Variants in KATNIP observed in about 807,000 individuals in gnomAD.
KATNIP encodes the protein katanin-interacting protein.
A neutral mutation model predicts 174.0 loss-of-function variants in KATNIP; 126 were observed. The observed-to-expected ratio is 0.72, with a 90% CI of 0.63 to 0.84. The LOEUF (loss-of-function observed/expected upper bound fraction) is 0.84, where lower values mean the gene tolerates loss of function less well. Ranked by LOEUF, KATNIP falls within the 40% of genes least tolerant of loss-of-function variation. The pLI is 0.00. For missense variants in KATNIP, 1,958 were observed against 2,109.7 expected (o/e 0.93, Z 1.41); for synonymous variants, 810 against 835.7 (o/e 0.97, Z 0.53).
intron 13 of KATNIP, among the ~76,000 whole-genome samples, chr16:27,713,977 G>A (rs925696419): frequency 6.7e-6 from 1 of 149,938 alleles, no homozygotes; most frequent in Non-Finnish European, 1.5e-5. Context: ...ACAGGCCTCC[G>A]CCCCAACTCT....
In KATNIP at chr16:27,773,121, C is replaced by T; in HGVS notation, c.4221C>T (p.Leu1407=). ...PCGFIFQFQL[L]TSWGDPYYIG... ...CAGTCATTTTCCAGTTTCAGCTTCTCACCAGCTGGGGCGACCCCTACTACA... is the reference window on the plus strand; with the variant it reads ...CAGTCATTTTCCAGTTTCAGCTTCTTACCAGCTGGGGCGACCCCTACTACA... The change falls in exon 23 of 28, where the codon CTC becomes CTT. Residue 1407 remains leucine (L), a synonymous_variant. Coordinates refer to ENST00000261588, the MANE Select transcript of KATNIP (RefSeq NM_015202.5). 6.2e-7 allele frequency: 1 copy of T among 1,610,574 alleles called. No individual in the cohort carries two copies. Among genetic ancestry groups the T allele is most frequent in the Non-Finnish European group, 8.5e-7 (1 of 1,178,260 alleles).
intron 12 of KATNIP, among the ~76,000 whole-genome samples, chr16:27,707,696 C>T (rs571173140): frequency 1.3e-5 from 2 of 152,356 alleles, no homozygotes; most frequent in South Asian, 4.1e-4. Context: ...TGTTTTCTCA[C>T]AATTCCGAAG....
chr16:27,700,551 G>A (rs1014083152), intron 10 of KATNIP, among the ~76,000 whole-genome samples: 1 of 152,066 alleles, frequency 6.6e-6, no homozygotes, highest in African/African-American at 2.4e-5. Flanking sequence ...AGGGTGTGGG[G>A]TGGTGGCTGC....
intron 13 of KATNIP, among the ~76,000 whole-genome samples, chr16:27,713,772 T>C (rs1294856161): frequency 7.2e-5 from 2 of 27,954 alleles, no homozygotes; most frequent in Non-Finnish European, 1.3e-4. Flanking sequence ...TATATGTATA[T>C]ATACACATAT....
Position 27,550,263 on chromosome 16 carries a change from G to A in KATNIP, c.7+86G>A, listed in dbSNP as rs4787969. 0.85 allele frequency: 1,269,793 copies of A among 1,486,134 alleles called. 543,772 individuals are homozygous for A. Among genetic ancestry groups the A allele is most frequent in the East Asian group, 1 (43,562 of 43,636 alleles). 92.1% of individuals were successfully genotyped at this position (1,486,134 alleles called of 1,614,324 possible). ...CGCTTTGGGCAGAATCCTAGGCCAT[G>A]AACCCCTGGACCACCACTTCCTGAC... On this transcript the variant is annotated intron_variant, in intron 1 of 27. Transcript: ENST00000261588.
chr16:27,606,125 G>C (rs573248920), intron 2 of KATNIP, among the ~76,000 whole-genome samples: 1 of 152,054 alleles, frequency 6.6e-6, no homozygotes, highest in Admixed American at 6.6e-5. Flanking sequence ...GCGAGACTCT[G>C]TCTCAAAAAA....
intron 6 of KATNIP, among the ~76,000 whole-genome samples, chr16:27,664,056 C>A (rs190009911): frequency 1.8e-3 from 272 of 152,288 alleles, no homozygotes; most frequent in Non-Finnish European, 3.0e-3. Context: ...GAGCAGTCCT[C>A]CCACCTCGCC....
At position 27,776,849 on chromosome 16, in the gene KATNIP, C is replaced by A; in HGVS notation, c.4450-79C>A. On this transcript the variant is annotated intron_variant, in intron 24 of 27. Transcript: ENST00000261588. This position sits in a 1 kb window ranked among gnomAD's most constrained non-coding sequence, Gnocchi z 4.7. ...CTTGGGCACCACCGCTCACCCCAGCCCACGCCTGGCACCCCCAGCCCAGCC... is the reference window on the plus strand; with the variant it reads ...CTTGGGCACCACCGCTCACCCCAGCACACGCCTGGCACCCCCAGCCCAGCC... 1.9e-6 allele frequency: 2 copies of A among 1,035,286 alleles called. No individual in the cohort carries two copies. Among genetic ancestry groups the A allele is most frequent in the South Asian group, 1.3e-5 (1 of 76,154 alleles). 64.1% of individuals were successfully genotyped at this position (1,035,286 alleles called of 1,614,324 possible).
intron 6 of KATNIP, among the ~76,000 whole-genome samples, chr16:27,651,251 C>G (rs558811760): frequency 6.6e-6 from 1 of 152,236 alleles, no homozygotes. Context: ...TTAATTTTCT[C>G]CACTCTGAGT....
rs537031472 is a variant in KATNIP, at chr16:27,652,290, A to G, written c.540+3555A>G. Among the ~76,000 whole-genome samples, 6 of 152,300 alleles carry G rather than the reference A, an allele frequency of 3.9e-5. No individual in the cohort carries two copies. In the South Asian group the frequency reaches 1.2e-3, roughly 32 times the overall value. On this transcript the variant is annotated intron_variant, in intron 6 of 27. Coordinates refer to ENST00000261588, the MANE Select transcript of KATNIP (RefSeq NM_015202.5). ...CCCCTTGATGAGGTGATACTTAAGTAGAGGAGAGGTCAGAGAAGCAGCCAT... is the reference window on the plus strand; with the variant it reads ...CCCCTTGATGAGGTGATACTTAAGTGGAGGAGAGGTCAGAGAAGCAGCCAT...
chr16:27,615,227 C>G (rs1172466729), intron 2 of KATNIP, among the ~76,000 whole-genome samples: 1 of 151,392 alleles, frequency 6.6e-6, no homozygotes, highest in Admixed American at 6.6e-5. Flanking sequence ...CTCCTAGACT[C>G]AAGCCATCCT....
Position 27,740,863 on chromosome 16 carries a change from G to A in KATNIP, c.2566G>A (p.Gly856Ser). The A allele has an allele frequency of 1.9e-6, 3 of 1,610,132 alleles. No individual in the cohort carries two copies. Among genetic ancestry groups the A allele is most frequent in the Non-Finnish European group, 2.5e-6 (3 of 1,178,292 alleles). ...AGAGCGCCCTGCTAGTGGGAGGAGG[G>A]GCTCAAGGAAGGATGCTGGCAGCAG... ...NRERPASGRR[G>S]SRKDAGSSSH... Residue 856 changes from glycine to serine, a missense_variant, in exon 15 of 28, where the codon GGC becomes AGC. Physicochemically the swap from Gly to Ser is moderately conservative, Grantham distance 56 (BLOSUM62 0). This residue lies in a region of KATNIP where 1,557 missense variants were observed against 1,617.8 expected (regional missense o/e 0.96). Coordinates refer to ENST00000261588, the MANE Select transcript of KATNIP (RefSeq NM_015202.5).
chr16:27,769,989 G>A lies in KATNIP; in HGVS notation c.4104G>A (p.Arg1368=), dbSNP rs1313553761. The part of the protein sequence containing the change: ...AQEILFVDYL[R]AQLLPQPARR... Reference sequence around the variant, plus strand: ...AAATCCTCTTCGTGGACTACCTACGGGCTCAGCTGCTGCCCCAGCCGGCCA... The same window carrying A: ...AAATCCTCTTCGTGGACTACCTACGAGCTCAGCTGCTGCCCCAGCCGGCCA... Residue 1368 remains arginine (R), a synonymous_variant, in exon 21 of 28, where the codon CGG becomes CGA. Coordinates refer to ENST00000261588, the MANE Select transcript of KATNIP (RefSeq NM_015202.5). The A allele has an allele frequency of 7.4e-6, 12 of 1,613,910 alleles. No homozygotes were observed. Among genetic ancestry groups the A allele is most frequent in the Admixed American group, 1.7e-5 (1 of 60,008 alleles).
At chr16:27,556,918 T>A (rs1483779553) in intron 1 of KATNIP, among the ~76,000 whole-genome samples, 3 of 152,200 alleles carry the variant, frequency 2.0e-5, no homozygotes. Flanking sequence ...TAGTTTCTTT[T>A]CTCTCAGATT....
intron 2 of KATNIP, among the ~76,000 whole-genome samples, chr16:27,600,500 C>T (rs1434786723): frequency 6.6e-6 from 1 of 152,152 alleles, no homozygotes; most frequent in Non-Finnish European, 1.5e-5. Flanking sequence ...GATCAGCCAG[C>T]AGGCTTTGAT....
intron 13 of KATNIP, among the ~76,000 whole-genome samples, chr16:27,712,618 G>A (rs929495874): frequency 2.6e-5 from 4 of 152,104 alleles, no homozygotes; most frequent in African/African-American, 9.7e-5. Context: ...GAGTGCCCCA[G>A]CCTCTATGGA....
rs1464776679 is a variant in KATNIP, at chr16:27,654,956, T to C, written c.540+6221T>C. On this transcript the variant is annotated intron_variant, in intron 6 of 27. Coordinates refer to ENST00000261588, the MANE Select transcript of KATNIP (RefSeq NM_015202.5). ...ACCAGCCTGGGAAACAGCAAGACCT[T>C]GTCTCAACTAAAAATTTTTAAAATG... 2.0e-5 allele frequency among the ~76,000 whole-genome samples: 3 copies of C among 151,514 alleles called. No homozygotes were observed. The East Asian group carries it at 5.8e-4, about 29-fold the overall frequency.
At position 27,770,106 on chromosome 16, in the gene KATNIP, G is replaced by A. The variant is rs1597418068; in HGVS notation, c.4133+88G>A. 2.8e-6 allele frequency: 4 copies of A among 1,438,584 alleles called. No individual in the cohort carries two copies. The East Asian group carries it at 9.2e-5, about 33-fold the overall frequency. 89.1% of individuals were successfully genotyped at this position (1,438,584 alleles called of 1,614,324 possible). ...GTTGCTCTGATGTACATTCCGAAAG[G>A]GTTTTGAAACGATGATCAAACGCAT... On this transcript the variant is annotated intron_variant, in intron 21 of 27. Transcript: ENST00000261588.
intron 13 of KATNIP, among the ~76,000 whole-genome samples, chr16:27,716,024 G>C (rs569323017): frequency 4.0e-5 from 6 of 150,698 alleles, no homozygotes; most frequent in Middle Eastern, 3.4e-3. Flanking sequence ...GCATTATTCA[G>C]AATAGCCAAA....
Sources: allele counts gnomAD v4.1 joint callset (sites outside exome capture counted in the v4.1 genomes callset), GRCh38; gene constraint gnomAD v4.1.1; regional missense constraint gnomAD v4.1.1; non-coding constraint Gnocchi (gnomAD v3.1); transcripts MANE v1.5; gene names NCBI Gene and HGNC (gene_info 2026-07-23, HGNC 2026-07-21).